The following NR1H4 variants were observed in gnomAD, a reference collection of about 807,000 sequenced individuals.
NR1H4 encodes nuclear receptor subfamily 1 group H member 4.
A neutral mutation model predicts 58.5 loss-of-function variants in NR1H4; 23 were observed. The observed-to-expected ratio is 0.39, with a 90% confidence interval of 0.28 to 0.56. The LOEUF is 0.56. Among genes scored for constraint, NR1H4 ranks in the 20% least tolerant of loss-of-function variants. The pLI is 0.58. For synonymous variants in NR1H4, 214 were observed against 198.0 expected, an observed-to-expected ratio of 1.08 and a Z score of -0.68; for missense variants, 487 against 576.9, an observed-to-expected ratio of 0.84 and a Z score of 1.60.
At chr12:100,555,850 G>A (rs1386692802) in intron 9 of NR1H4, among the ~76,000 whole-genome samples, 1 of 152,134 alleles carries the variant, frequency 6.6e-6, no homozygotes, top group Non-Finnish European at 1.5e-5. Flanking sequence ...GCCAGGACTG[G>A]TATTCTCCAG....
At chr12:100,479,902 C>T (rs1304532285) in intron 1 of NR1H4, among the ~76,000 whole-genome samples, 10 of 152,242 alleles carry the variant, frequency 6.6e-5, no homozygotes, top group Admixed American at 6.5e-4. Flanking sequence ...TTGTCCTTCA[C>T]ATCTCAGTTC....
At chr12:100,538,801 A>G (rs908719529) in intron 8 of NR1H4, among the ~76,000 whole-genome samples, 10 of 152,336 alleles carry the variant, frequency 6.6e-5, no homozygotes, top group Non-Finnish European at 1.5e-4. Context: ...AAGCCTACAT[A>G]AAACTCATAA....
chr12:100,520,656 C>T (rs1056349597), intron 4 of NR1H4, among the ~76,000 whole-genome samples: 3 of 152,198 alleles, frequency 2.0e-5, no homozygotes, highest in Admixed American at 2.0e-4. Flanking sequence ...TCAATACCCT[C>T]AAAGCTAGTG....
In NR1H4 at chr12:100,511,020, G is replaced by GT. The variant is rs1566445060; in HGVS notation, c.323dup (p.Thr109AsnfsTer17). ...AGAAACTGAGGTAGCAGAGATGCCT[G>GT]TAACAAAGAAGCCCCGCATGGGCGC... is the stretch of plus-strand genomic sequence containing the variant. On this transcript the variant is annotated frameshift_variant, in exon 4 of 11. Coordinates refer to ENST00000392986, the MANE Select transcript of NR1H4 (RefSeq NM_001206979.2). LOFTEE classifies it high-confidence loss of function. The GT allele has an allele frequency of 6.2e-7, 1 of 1,614,236 alleles. No individual in the cohort carries two copies. Among genetic ancestry groups the GT allele is most frequent in the East Asian group, 2.2e-5 (1 of 44,880 alleles).
intron 1 of NR1H4, among the ~76,000 whole-genome samples, chr12:100,478,865 A>G (rs1019063551): frequency 2.6e-5 from 4 of 152,248 alleles, no homozygotes; most frequent in Admixed American, 6.5e-5. Flanking sequence ...CCCACTAGCA[A>G]TATGTGAGAA....
intron 9 of NR1H4, among the ~76,000 whole-genome samples, chr12:100,552,460 A>T (rs918114169): frequency 4.6e-5 from 7 of 152,190 alleles, no homozygotes; most frequent in African/African-American, 1.7e-4. Flanking sequence ...GCACCACAAG[A>T]ATATGTCCAT....
Position 100,540,824 on chromosome 12 carries a change from T to C in NR1H4, c.1078+6T>C. Reference sequence around the variant, plus strand: ...AGAAAGAATTCGAAATAGTGGTAAGTGATTTGGCTAATGGTAAAAGAGTTT... The same window carrying C: ...AGAAAGAATTCGAAATAGTGGTAAGCGATTTGGCTAATGGTAAAAGAGTTT... On this transcript the variant is annotated splice_donor_region_variant and intron_variant, in intron 9 of 10. Coordinates refer to ENST00000392986, the MANE Select transcript of NR1H4 (RefSeq NM_001206979.2). 1 of 1,614,036 alleles carries C rather than the reference T, an allele frequency of 6.2e-7. No individual in the cohort carries two copies. The highest frequency in any genetic ancestry group is 1.3e-5 in the African/African-American group (1 of 75,046).
At chr12:100,502,789 A>G (rs1566437971) in intron 3 of NR1H4, among the ~76,000 whole-genome samples, 1 of 152,206 alleles carries the variant, frequency 6.6e-6, no homozygotes, top group Non-Finnish European at 1.5e-5. Context: ...ACATGGTGGT[A>G]GGCATGTCTT....
At chr12:100,482,102 AAAAC>A (rs1012644005) in intron 1 of NR1H4, among the ~76,000 whole-genome samples, 5 of 152,038 alleles carry the variant, frequency 3.3e-5, no homozygotes, top group Non-Finnish European at 5.9e-5. Context: ...ACCCTGTCTC[AAAAC>A]AAACAAACAA....
At chr12:100,482,611 A>G (rs1021486782) in intron 1 of NR1H4, among the ~76,000 whole-genome samples, 1 of 152,182 alleles carries the variant, frequency 6.6e-6, no homozygotes, top group Non-Finnish European at 1.5e-5. Flanking sequence ...ATCCACAAAA[A>G]CAAAGGTTGA....
At chr12:100,505,529 G>GA in intron 3 of NR1H4, 1 of 693,484 alleles carries the variant, frequency 1.4e-6, no homozygotes, top group Admixed American at 2.1e-5. Flanking sequence ...AGAAGGTGTT[G>GA]AAACCTGGAG....
chr12:100,491,967 A>G (rs1278473776), intron 1 of NR1H4, among the ~76,000 whole-genome samples: 1 of 152,182 alleles, frequency 6.6e-6, no homozygotes, highest in Admixed American at 6.5e-5. Flanking sequence ...ATTTGCCTTC[A>G]TAAACAGCTT....
intron 4 of NR1H4, among the ~76,000 whole-genome samples, chr12:100,517,335 A>G (rs1954294170): frequency 6.6e-6 from 1 of 152,228 alleles, no homozygotes; most frequent in South Asian, 2.1e-4. Flanking sequence ...CTCCGGGCTC[A>G]TCCATGTTAT....
intron 9 of NR1H4, among the ~76,000 whole-genome samples, chr12:100,553,971 G>T (rs1324291549): frequency 6.6e-6 from 1 of 152,192 alleles, no homozygotes; most frequent in Non-Finnish European, 1.5e-5. Context: ...TGTGGGAAAT[G>T]AGACCAACAG....
At chr12:100,510,716 A>T in intron 3 of NR1H4, 62 bp from the exon 4 acceptor site, 3 of 1,601,024 alleles carry the variant, frequency 1.9e-6, no homozygotes. Context: ...ATTACGCCAA[A>T]CTGCCTCTCT....
chr12:100,554,224 A>G (rs1205331592), intron 9 of NR1H4, among the ~76,000 whole-genome samples: 3 of 152,184 alleles, frequency 2.0e-5, no homozygotes, highest in Non-Finnish European at 4.4e-5. Context: ...CCTCTGTGCT[A>G]TGGAGTGATG....
intron 1 of NR1H4, among the ~76,000 whole-genome samples, chr12:100,475,899 A>AT (rs1200492504): frequency 3.3e-5 from 5 of 151,812 alleles, no homozygotes; most frequent in Admixed American, 3.3e-4. Flanking sequence ...CCATGCCACT[A>AT]TTTTTTGTAT....
chr12:100,542,949 T>C (rs1954971787), intron 9 of NR1H4, among the ~76,000 whole-genome samples: 1 of 152,148 alleles, frequency 6.6e-6, no homozygotes. Flanking sequence ...AGCATGTTCT[T>C]TCCCCTAAGA....
At chr12:100,546,481 G>A (rs2888555) in intron 9 of NR1H4, among the ~76,000 whole-genome samples, 1 of 151,912 alleles carries the variant, frequency 6.6e-6, no homozygotes, top group Non-Finnish European at 1.5e-5. Context: ...GGATCACGAG[G>A]TCAGGAGTTT....
Sources: allele counts gnomAD v4.1 joint callset (sites outside exome capture counted in the v4.1 genomes callset), GRCh38; gene constraint gnomAD v4.1.1; transcripts MANE v1.5; gene names NCBI Gene and HGNC (gene_info 2026-07-23, HGNC 2026-07-21).